Variants in IGFBP7 observed in about 807,000 individuals in gnomAD.
The protein encoded by IGFBP7 is insulin-like growth factor-binding protein 7.
In IGFBP7, 31 loss-of-function variants were observed where a neutral mutation model predicts 29.4. That is an observed-to-expected ratio of 1.05 (90% CI 0.79 to 1.42). IGFBP7 has a LOEUF of 1.42. Among genes scored for constraint, IGFBP7 ranks in the 40% most tolerant of loss-of-function variants. IGFBP7 has a pLI of 0.00. For missense variants in IGFBP7, 393 were observed against 395.5 expected, an observed-to-expected ratio of 0.99 and a Z score of 0.05; for synonymous variants, 172 against 174.9, an observed-to-expected ratio of 0.98 and a Z score of 0.13.
chr4:57,044,536 T>C (rs941423741), intron 1 of IGFBP7, among the ~76,000 whole-genome samples: 1 of 152,238 alleles, frequency 6.6e-6, no homozygotes, highest in Non-Finnish European at 1.5e-5. Flanking sequence ...GTGTGTGCTA[T>C]GAGGCAGAGG....
At chr4:57,082,622 A>C (rs1395475000) in intron 1 of IGFBP7, among the ~76,000 whole-genome samples, 2 of 152,238 alleles carry the variant, frequency 1.3e-5, no homozygotes, top group African/African-American at 4.8e-5. Context: ...TGCTATTTAA[A>C]AAATGCAAAA....
chr4:57,090,142 C>T (rs1725600298), intron 1 of IGFBP7, among the ~76,000 whole-genome samples: 1 of 152,182 alleles, frequency 6.6e-6, no homozygotes, highest in South Asian at 2.1e-4. Flanking sequence ...TACCAATAGA[C>T]CAGCTATTGT....
chr4:57,104,735 A>T (rs1454396866), intron 1 of IGFBP7, among the ~76,000 whole-genome samples: 3 of 152,152 alleles, frequency 2.0e-5, no homozygotes. Flanking sequence ...CGGCAAGGGG[A>T]TATGGAAATG....
At chr4:57,072,900 A>G in intron 1 of IGFBP7, 1 of 696,014 alleles carries the variant, frequency 1.4e-6, no homozygotes. Context: ...ACGCCCTGCT[A>G]CCACCCCAAC....
intron 1 of IGFBP7, among the ~76,000 whole-genome samples, chr4:57,100,071 CTT>C (rs10669251): frequency 8.6e-6 from 1 of 115,748 alleles, no homozygotes; most frequent in Admixed American, 1.1e-4. Context: ...TCTTTTCTTT[CTT>C]TTTTTTTTTT....
chr4:57,101,255 G>A (rs1010755836), intron 1 of IGFBP7, among the ~76,000 whole-genome samples: 9 of 152,140 alleles, frequency 5.9e-5, no homozygotes, highest in African/African-American at 2.2e-4. Context: ...TGAACCTGTC[G>A]GGTTGGCCTT....
At chr4:57,072,200 C>A (rs1725068718) in intron 1 of IGFBP7, among the ~76,000 whole-genome samples, 1 of 151,996 alleles carries the variant, frequency 6.6e-6, no homozygotes. Flanking sequence ...TTTTTGGGTT[C>A]ATGAGTTCTC....
chr4:57,098,765 C>T (rs1335406550), intron 1 of IGFBP7, among the ~76,000 whole-genome samples: 1 of 152,198 alleles, frequency 6.6e-6, no homozygotes, highest in Non-Finnish European at 1.5e-5. Context: ...CATTCTCCAT[C>T]AAACGCTCTA....
chr4:57,089,254 C>CT (rs546345268), intron 1 of IGFBP7, among the ~76,000 whole-genome samples: 2 of 152,092 alleles, frequency 1.3e-5, no homozygotes, highest in Non-Finnish European at 2.9e-5. Context: ...TGAAAGTAGA[C>CT]TTTTTTAAAG....
chr4:57,096,046 G>A (rs755538307), intron 1 of IGFBP7, among the ~76,000 whole-genome samples: 21 of 152,126 alleles, frequency 1.4e-4, no homozygotes, highest in South Asian at 4.2e-4. Flanking sequence ...CTAATGGAGC[G>A]TATGTTCTAG....
At chr4:57,107,793 G>A (rs1726070796) in intron 1 of IGFBP7, among the ~76,000 whole-genome samples, 1 of 152,230 alleles carries the variant, frequency 6.6e-6, no homozygotes, top group South Asian at 2.1e-4. Context: ...GAGAGGTACT[G>A]AGCTGGGTGT....
chr4:57,103,300 C>A (rs1450258045), intron 1 of IGFBP7, among the ~76,000 whole-genome samples: 6 of 152,174 alleles, frequency 3.9e-5, no homozygotes, highest in South Asian at 2.1e-4. Flanking sequence ...CATCACTCAG[C>A]GCTCCCATTG....
At chr4:57,103,660 C>CTTTTTTTTTTTTTTTTTTTTTTTTTT (rs59173874) in intron 1 of IGFBP7, among the ~76,000 whole-genome samples, 19 of 86,474 alleles carry the variant, frequency 2.2e-4, no homozygotes, top group South Asian at 4.4e-4. Context: ...TTTTTCTTTT[C>CTTTTTTTTTTTTTTTTTTTTTTTTTT]TTTTTTTTTT....
chr4:57,064,349 AAAAC>A lies in IGFBP7; in HGVS notation c.476-23420_476-23417del, dbSNP rs201260019. On this transcript the variant is annotated intron_variant, in intron 1 of 4. Transcript: ENST00000295666. The stretch of plus-strand genomic sequence containing the variant: ...CACTGCACTCCAGCCTGGGTGACTA[AAAAC>A]AAACAAACAAATAAAACTGCAGAAG... Among the ~76,000 whole-genome samples, 696 of 152,326 alleles carry A rather than the reference AAAAC, an allele frequency of 4.6e-3. 6 individuals are homozygous for A. Among genetic ancestry groups the A allele is most frequent in the African/African-American group, 0.016 (660 of 41,574 alleles).
At chr4:57,072,134 C>G (rs538363617) in intron 1 of IGFBP7, among the ~76,000 whole-genome samples, 6 of 152,094 alleles carry the variant, frequency 3.9e-5, no homozygotes, top group Non-Finnish European at 8.8e-5. Context: ...CTTTCCTGCT[C>G]CTCTCCCTCC....
At chr4:57,105,821 AT>A (rs1726015120) in intron 1 of IGFBP7, among the ~76,000 whole-genome samples, 1 of 152,014 alleles carries the variant, frequency 6.6e-6, no homozygotes, top group Non-Finnish European at 1.5e-5. Context: ...CAAATACATC[AT>A]TTTGGGGTGG....
Position 57,031,464 on chromosome 4 carries a change from G to C in IGFBP7, c.830-128C>G, listed in dbSNP as rs923736055. ...AAATATGGGGATAAAGGATATATGA[G>C]TAATTGTATAAATGATATGCTGGAG... On this transcript the variant is annotated intron_variant, in intron 4 of 4. Transcript: ENST00000295666. 6 of 712,458 alleles carry C rather than the reference G, an allele frequency of 8.4e-6. No homozygotes were observed. The Middle Eastern group carries it at 8.9e-4, about 105-fold the overall frequency. The allele number at this position is 712,458 out of a possible 1,614,324, so 44.1% of individuals were successfully genotyped here. A position where few individuals can be genotyped will look rare whatever the true frequency, so the allele number is the denominator to read the frequency against.
At position 57,040,917 on chromosome 4, in the gene IGFBP7, C is replaced by T. The variant is rs367979741; in HGVS notation, c.492G>A (p.Thr164=). The change falls in exon 2 of 5, where the codon ACG becomes ACA. Residue 164 remains threonine (T), a synonymous_variant. Coordinates refer to ENST00000295666, the MANE Select transcript of IGFBP7 (RefSeq NM_001553.3). ...GTCEQGPSIV[T]PPKDIWNVTG... is the part of the protein sequence containing the mutation. ...TGACATTCCAGATGTCCTTGGGGGG[C>T]GTCACTATGGAAGGACCTGCAGGAG... 153 of 1,613,408 alleles carry T rather than the reference C, an allele frequency of 9.5e-5. No homozygotes were observed. Among genetic ancestry groups the T allele is most frequent in the Non-Finnish European group, 1.2e-4 (138 of 1,179,504 alleles).
chr4:57,053,304 A>G (rs1020888475), intron 1 of IGFBP7, among the ~76,000 whole-genome samples: 2 of 152,038 alleles, frequency 1.3e-5, no homozygotes, highest in African/African-American at 4.8e-5. Context: ...GGCGTGAGCC[A>G]CCGCACCTGG....
Sources: allele counts gnomAD v4.1 joint callset (sites outside exome capture counted in the v4.1 genomes callset), GRCh38; gene constraint gnomAD v4.1.1; transcripts MANE v1.5; gene names NCBI Gene and HGNC (gene_info 2026-07-23, HGNC 2026-07-21).